The following GRM8 variants were observed in gnomAD, a reference collection of about 807,000 sequenced individuals.
GRM8 encodes glutamate metabotropic receptor 8, also known as metabotropic glutamate receptor 8.
Under a neutral mutation model 87.2 loss-of-function variants are expected in GRM8, and 47 were observed. That is an observed-to-expected ratio of 0.54 (90% CI 0.43 to 0.69). The LOEUF is 0.69. Ranked by LOEUF, GRM8 falls within the 30% of genes least tolerant of loss-of-function variation. The probability of loss-of-function intolerance (pLI) is 0.00; values close to 1 mark genes in which losing one functional copy is unlikely to be tolerated. For synonymous variants in GRM8, 396 were observed against 404.5 expected (o/e 0.98, Z 0.25); for missense variants, 1,019 against 1,139.2 (o/e 0.89, Z 1.52).
chr7:127,216,747 C>T (rs888583946), intron 2 of GRM8, among the ~76,000 whole-genome samples: 2 of 152,148 alleles, frequency 1.3e-5, no homozygotes, highest in Admixed American at 6.5e-5. Flanking sequence ...TCCATTCTAT[C>T]CATACTAGCT....
intron 9 of GRM8, among the ~76,000 whole-genome samples, chr7:126,526,393 T>G (rs1374581288): frequency 6.6e-6 from 1 of 151,874 alleles, no homozygotes; most frequent in African/African-American, 2.4e-5. Context: ...ATTCAGAAAG[T>G]TCAACCATTT....
At chr7:126,707,755 T>C (rs1235031413) in intron 7 of GRM8, among the ~76,000 whole-genome samples, 1 of 152,124 alleles carries the variant, frequency 6.6e-6, no homozygotes, top group Non-Finnish European at 1.5e-5. Context: ...TCAAAATGGA[T>C]TGAAGATCTA....
chr7:126,564,239 G>C (rs1794003213), intron 8 of GRM8, among the ~76,000 whole-genome samples: 1 of 152,132 alleles, frequency 6.6e-6, no homozygotes, highest in Non-Finnish European at 1.5e-5. Flanking sequence ...AGAGATGATA[G>C]GCCTGCTGTT....
rs746918415 is a variant in GRM8, at chr7:127,243,184, T to C, written c.21A>G (p.Arg7=). The change falls in exon 2 of 11, where the codon CGA becomes CGG. Residue 7 remains arginine (R), a synonymous_variant. Coordinates refer to ENST00000339582, the MANE Select transcript of GRM8 (RefSeq NM_000845.3). MVCEGK[R]SASCPCFFLL... is the part of the protein sequence containing the mutation. Reference sequence around the variant, plus strand: ...GGAAGAAACAAGGGCAAGAGGCTGATCGCTTTCCCTCGCATACCATTTTCT... The same window carrying C: ...GGAAGAAACAAGGGCAAGAGGCTGACCGCTTTCCCTCGCATACCATTTTCT... The C allele has an allele frequency of 1.9e-6, 3 of 1,608,230 alleles. No homozygotes were observed. Among genetic ancestry groups the C allele is most frequent in the Non-Finnish European group, 1.7e-6 (2 of 1,179,638 alleles).
chr7:126,566,785 T>C (rs537307376), intron 8 of GRM8, among the ~76,000 whole-genome samples: 12 of 152,124 alleles, frequency 7.9e-5, no homozygotes, highest in Non-Finnish European at 1.6e-4. Flanking sequence ...ATCTAAATGT[T>C]TATTGGCAGA....
intron 7 of GRM8, among the ~76,000 whole-genome samples, chr7:126,686,826 A>G (rs1808242050): frequency 6.6e-6 from 1 of 152,216 alleles, no homozygotes; most frequent in Non-Finnish European, 1.5e-5. Flanking sequence ...GCCACCAGCC[A>G]TAGAGGCTTC....
Position 126,922,706 on chromosome 7 carries a change from G to A in GRM8, c.728-18023C>T, listed in dbSNP as rs531639579. Among the ~76,000 whole-genome samples, 13 of 152,234 alleles carry A rather than the reference G, an allele frequency of 8.5e-5. No individual in the cohort carries two copies. In the South Asian group the frequency reaches 2.3e-3, roughly 27 times the overall value. Reference sequence around the variant, plus strand: ...CTCATATTGAAATGTAATCCCCAATGCTGGAGGTGGGGCCTGGTGGGAGGT... The same window carrying A: ...CTCATATTGAAATGTAATCCCCAATACTGGAGGTGGGGCCTGGTGGGAGGT... On this transcript the variant is annotated intron_variant, in intron 3 of 10. Coordinates refer to ENST00000339582, the MANE Select transcript of GRM8 (RefSeq NM_000845.3).
intron 3 of GRM8, among the ~76,000 whole-genome samples, chr7:126,910,582 G>C (rs370803360): frequency 6.6e-6 from 1 of 152,166 alleles, no homozygotes; most frequent in African/African-American, 2.4e-5. Context: ...TTTGGGCCAT[G>C]ACAATTCAGA....
rs116577062 is a variant in GRM8 at position 126,916,390 on chromosome 7, T to A, written c.728-11707A>T. On this transcript the variant is annotated intron_variant, in intron 3 of 10. Coordinates refer to ENST00000339582, the MANE Select transcript of GRM8 (RefSeq NM_000845.3). ...TGTTTCCTGATATAGTGAAATTATC[T>A]AATAAATAGATAAGCATATCCATGT... Among the ~76,000 whole-genome samples, 829 of 152,312 alleles carry A rather than the reference T, an allele frequency of 5.4e-3. 5 individuals are homozygous for A. The highest frequency in any genetic ancestry group is 0.019 in the African/African-American group (789 of 41,556).
At chr7:126,496,477 A>AT (rs941533803) in intron 9 of GRM8, among the ~76,000 whole-genome samples, 1 of 151,970 alleles carries the variant, frequency 6.6e-6, no homozygotes, top group African/African-American at 2.4e-5. Flanking sequence ...AAGTTCTCAG[A>AT]TTTTTTTGAG....
At chr7:126,781,849 T>C (rs1239038189) in intron 6 of GRM8, among the ~76,000 whole-genome samples, 1 of 152,084 alleles carries the variant, frequency 6.6e-6, no homozygotes, top group Non-Finnish European at 1.5e-5. Context: ...CCAAGTAGAA[T>C]GGACCATGGG....
intron 9 of GRM8, among the ~76,000 whole-genome samples, chr7:126,474,250 A>ATGTGTG (rs149228365): frequency 5.6e-4 from 83 of 149,098 alleles, no homozygotes; most frequent in African/African-American, 1.9e-3. Flanking sequence ...ATGTTTGTGC[A>ATGTGTG]TGTGTGTGTG....
intron 6 of GRM8, among the ~76,000 whole-genome samples, chr7:126,809,077 T>C (rs1395357778): frequency 2.0e-5 from 3 of 152,354 alleles, no homozygotes; most frequent in East Asian, 3.9e-4. Context: ...TTGCGTATTT[T>C]ATCTTTTAAA....
chr7:126,553,270 C>G (rs924573040), intron 8 of GRM8, among the ~76,000 whole-genome samples: 6 of 152,094 alleles, frequency 3.9e-5, no homozygotes, highest in African/African-American at 1.4e-4. Context: ...CCCAAATGTA[C>G]TCTTCTTTGT....
intron 7 of GRM8, among the ~76,000 whole-genome samples, chr7:126,629,786 G>A (rs1708237652): frequency 6.6e-6 from 1 of 152,084 alleles, no homozygotes; most frequent in Non-Finnish European, 1.5e-5. Context: ...GGTGATTTGA[G>A]GTGTTTCTAT....
intron 6 of GRM8, among the ~76,000 whole-genome samples, chr7:126,844,768 T>C (rs532490194): frequency 6.6e-5 from 10 of 152,312 alleles, no homozygotes; most frequent in Admixed American, 5.2e-4. Context: ...TGCACATGCA[T>C]GGAGAGATAG....
chr7:127,003,793 T>C (rs1387301809), intron 3 of GRM8, among the ~76,000 whole-genome samples: 2 of 151,708 alleles, frequency 1.3e-5, no homozygotes, highest in Non-Finnish European at 3.0e-5. Flanking sequence ...GATTACTAAA[T>C]AGATGGGAAC....
At chr7:127,212,850 A>G (rs1207526141) in intron 2 of GRM8, among the ~76,000 whole-genome samples, 1 of 152,232 alleles carries the variant, frequency 6.6e-6, no homozygotes, top group Non-Finnish European at 1.5e-5. Flanking sequence ...ATTAATACAC[A>G]CAGTGATCTT....
chr7:126,600,166 G>C (rs1381710837), intron 8 of GRM8, among the ~76,000 whole-genome samples: 2 of 152,058 alleles, frequency 1.3e-5, no homozygotes, highest in Non-Finnish European at 2.9e-5. Flanking sequence ...ATCTGTACCT[G>C]TATAATTATG....
Sources: allele counts gnomAD v4.1 joint callset (sites outside exome capture counted in the v4.1 genomes callset), GRCh38; gene constraint gnomAD v4.1.1; transcripts MANE v1.5; gene names NCBI Gene and HGNC (gene_info 2026-07-23, HGNC 2026-07-21).